The following GABRB1 variants were observed in gnomAD, a reference collection of about 807,000 sequenced individuals.
The protein encoded by GABRB1 is gamma-aminobutyric acid type A receptor subunit beta1.
A neutral mutation model predicts 51.6 loss-of-function variants in GABRB1; 17 were observed. The observed-to-expected ratio is 0.33, with a 90% CI of 0.23 to 0.49. The LOEUF (loss-of-function observed/expected upper bound fraction) is 0.49, where lower values mean the gene tolerates loss of function less well. GABRB1 is among the 20% of genes least tolerant of loss of function. The pLI is 0.99. For missense variants in GABRB1, 410 were observed against 600.6 expected (o/e 0.68, Z 3.32); for synonymous variants, 247 against 218.9 (o/e 1.13, Z -1.14).
At chr4:47,174,621 AT>A (rs67872250) in intron 4 of GABRB1, among the ~76,000 whole-genome samples, 104,581 of 151,482 alleles carry the variant, frequency 0.69, 36,815 homozygotes, top group Middle Eastern at 0.86. Context: ...GACTTAGATG[AT>A]TTTTTTTTTA....
chr4:47,175,644 C>T (rs1415459754), intron 4 of GABRB1, among the ~76,000 whole-genome samples: 1 of 152,162 alleles, frequency 6.6e-6, no homozygotes, highest in Admixed American at 6.6e-5. Context: ...GGTTCTTCAA[C>T]AGCCCATGAG....
At chr4:47,350,212 TATATATAGAG>T (rs1346128439) in intron 5 of GABRB1, among the ~76,000 whole-genome samples, 143 of 85,610 alleles carry the variant, frequency 1.7e-3, no homozygotes, top group Admixed American at 3.9e-3. Flanking sequence ...TATATATATA[TATATATAGAG>T]AGAGAGAGAG....
chr4:47,331,593 T>A (rs1725486686), intron 5 of GABRB1, among the ~76,000 whole-genome samples: 1 of 152,030 alleles, frequency 6.6e-6, no homozygotes, highest in Non-Finnish European at 1.5e-5. Flanking sequence ...AAAGAGGAAG[T>A]GTAAAATAAA....
chr4:47,297,896 T>C (rs958481454), intron 4 of GABRB1, among the ~76,000 whole-genome samples: 1 of 152,214 alleles, frequency 6.6e-6, no homozygotes, highest in African/African-American at 2.4e-5. Context: ...TCCACCATGA[T>C]CAAGTGGGCT....
chr4:47,181,066 C>G (rs150207260), intron 4 of GABRB1, among the ~76,000 whole-genome samples: 21 of 152,028 alleles, frequency 1.4e-4, no homozygotes, highest in Admixed American at 2.6e-4. Context: ...GACTCAGATA[C>G]TTTATTAATT....
chr4:47,299,645 C>G (rs534775031), intron 4 of GABRB1, among the ~76,000 whole-genome samples: 4 of 152,060 alleles, frequency 2.6e-5, no homozygotes, highest in Admixed American at 6.6e-5. Context: ...GTTGGTGGGA[C>G]TGTAAACTAG....
intron 4 of GABRB1, among the ~76,000 whole-genome samples, chr4:47,262,534 T>G (rs1722481502): frequency 6.6e-6 from 1 of 152,034 alleles, no homozygotes; most frequent in Non-Finnish European, 1.5e-5. Context: ...CATTAAAAAG[T>G]CAGGAAACAA....
chr4:47,209,536 A>G (rs757185492), intron 4 of GABRB1, among the ~76,000 whole-genome samples: 3 of 152,152 alleles, frequency 2.0e-5, no homozygotes, highest in Non-Finnish European at 2.9e-5. Flanking sequence ...TGTAACTACA[A>G]TAACACTCTC....
At chr4:47,247,700 T>G (rs1280737032) in intron 4 of GABRB1, among the ~76,000 whole-genome samples, 1 of 151,988 alleles carries the variant, frequency 6.6e-6, no homozygotes, top group Non-Finnish European at 1.5e-5. Flanking sequence ...CCTTCAGCAG[T>G]GTTTTGTAGT....
rs1354705859 is a variant in GABRB1 at position 47,032,256 on chromosome 4, T to TG, written c.173-160dup. 3.3e-5 allele frequency among the ~76,000 whole-genome samples: 5 copies of TG among 151,880 alleles called. No individual in the cohort carries two copies. The East Asian group carries it at 9.8e-4, about 30-fold the overall frequency. ...CTGCATAGTCACTGCATCACGCGTG[T>TG]GCCCACACCTGTTTTCCCAGGCAGT... On this transcript the variant is annotated intron_variant, in intron 2 of 8. Coordinates refer to ENST00000295454, the MANE Select transcript of GABRB1 (RefSeq NM_000812.4).
At position 47,108,080 on chromosome 4, in the gene GABRB1, C is replaced by A. The variant is rs1193539685; in HGVS notation, c.241-53169C>A. The stretch of plus-strand genomic sequence containing the variant: ...ATGAACCAACCTTGAATCCACTTCA[C>A]ATGCATAGTTTGGTAATTTTATATT... On this transcript the variant is annotated intron_variant, in intron 3 of 8. Coordinates refer to ENST00000295454, the MANE Select transcript of GABRB1 (RefSeq NM_000812.4). Among the ~76,000 whole-genome samples, 3 of 152,018 alleles carry A rather than the reference C, an allele frequency of 2.0e-5. No homozygotes were observed. The East Asian group carries it at 5.8e-4, about 29-fold the overall frequency.
intron 4 of GABRB1, among the ~76,000 whole-genome samples, chr4:47,217,890 A>G (rs973202748): frequency 1.3e-4 from 19 of 151,684 alleles, no homozygotes; most frequent in African/African-American, 4.6e-4. Flanking sequence ...ATTATTCTTA[A>G]CTGTAGTCAC....
chr4:47,023,073 C>G (rs768380741), intron 1 of GABRB1, among the ~76,000 whole-genome samples: 4 of 151,998 alleles, frequency 2.6e-5, no homozygotes, highest in Non-Finnish European at 5.9e-5. Flanking sequence ...AATCCAGGGA[C>G]AGAAAGACAA....
rs1298406416 is a variant in GABRB1 at position 47,001,023 on chromosome 4, G to C, written c.-20+7097G>C. Among the ~76,000 whole-genome samples, 3 of 152,154 alleles carry C rather than the reference G, an allele frequency of 2.0e-5. No homozygotes were observed. The East Asian group carries it at 5.8e-4, about 29-fold the overall frequency. On this transcript the variant is annotated intron_variant, in intron 1 of 3. Transcript: ENST00000513567. ...TTTCATATGCCTGAAATATTTCATAGAACAAATTGAATAGCATTTTATAAG... is the reference window on the plus strand; with the variant it reads ...TTTCATATGCCTGAAATATTTCATACAACAAATTGAATAGCATTTTATAAG...
At chr4:47,302,414 G>A (rs923878154) in intron 4 of GABRB1, among the ~76,000 whole-genome samples, 2 of 151,412 alleles carry the variant, frequency 1.3e-5, no homozygotes, top group African/African-American at 2.4e-5. Context: ...TTATAAGTTC[G>A]GCATATTTCT....
intron 1 of GABRB1, among the ~76,000 whole-genome samples, chr4:47,025,458 A>T (rs1207438859): frequency 6.6e-6 from 1 of 151,776 alleles, no homozygotes; most frequent in East Asian, 1.9e-4. Context: ...TTGTATTGTG[A>T]TTTCGATTTG....
intron 3 of GABRB1, among the ~76,000 whole-genome samples, chr4:47,077,237 G>T (rs1455098599): frequency 5.3e-5 from 8 of 152,152 alleles, no homozygotes; most frequent in African/African-American, 1.9e-4. Context: ...GATTTAAGGA[G>T]CTGAGTTCCC....
At chr4:47,314,084 C>A (rs1724799924) in intron 4 of GABRB1, among the ~76,000 whole-genome samples, 1 of 151,922 alleles carries the variant, frequency 6.6e-6, no homozygotes, top group Admixed American at 6.6e-5. Context: ...TTACTCAATT[C>A]TCTTTAATAT....
chr4:47,218,796 A>G (rs1315871247), intron 4 of GABRB1, among the ~76,000 whole-genome samples: 1 of 151,854 alleles, frequency 6.6e-6, no homozygotes, highest in Admixed American at 6.6e-5. Context: ...TTCATGAGTG[A>G]TAAACAATGA....
Sources: allele counts gnomAD v4.1 joint callset (sites outside exome capture counted in the v4.1 genomes callset), GRCh38; gene constraint gnomAD v4.1.1; transcripts MANE v1.5; gene names NCBI Gene and HGNC (gene_info 2026-07-23, HGNC 2026-07-21).